Variants in GRIP2 observed in about 807,000 individuals in gnomAD.
The protein encoded by GRIP2 is glutamate receptor-interacting protein 2.
A neutral mutation model predicts 108.3 loss-of-function variants in GRIP2; 58 were observed. That is an observed-to-expected ratio of 0.54 (90% CI 0.43 to 0.67). The LOEUF is 0.67. Ranked by LOEUF, GRIP2 falls within the 30% of genes least tolerant of loss-of-function variation. The probability of loss-of-function intolerance (pLI) is 0.00; values close to 1 mark genes in which losing one functional copy is unlikely to be tolerated. For synonymous variants in GRIP2, 586 were observed against 598.2 expected, an observed-to-expected ratio of 0.98 and a Z score of 0.30; for missense variants, 1,278 against 1,430.6, an observed-to-expected ratio of 0.89 and a Z score of 1.72.
rs944984932 is a variant in GRIP2, at chr3:14,526,129, G to A, written c.41-198C>T. 2.3e-5 allele frequency: 14 copies of A among 617,282 alleles called. No individual in the cohort carries two copies. In the African/African-American group the frequency reaches 2.4e-4, roughly 11 times the overall value. 38.2% of individuals were successfully genotyped at this position (617,282 alleles called of 1,614,324 possible). ...AGAAAGCCTGGCCCCTGCTCTTGGGGCTGAGTAACATTCTTTGAGCACTAC... is the reference window on the plus strand; with the variant it reads ...AGAAAGCCTGGCCCCTGCTCTTGGGACTGAGTAACATTCTTTGAGCACTAC... On this transcript the variant is annotated intron_variant, in intron 1 of 23. Transcript: ENST00000621039.
the GRIP2 span, among the ~76,000 whole-genome samples, chr3:14,601,573 T>C: frequency 6.6e-6 from 1 of 152,192 alleles, no homozygotes; most frequent in African/African-American, 2.4e-5. Flanking sequence ...GGCACACCTA[T>C]AGGCCCACCA....
chr3:14,540,871 C>T (rs901381752), upstream of GRIP2, among the ~76,000 whole-genome samples: 2 of 152,228 alleles, frequency 1.3e-5, no homozygotes, highest in Non-Finnish European at 2.9e-5. The surrounding 1 kb of genome is among the most constrained non-coding windows in gnomAD (Gnocchi z 4.1). Context: ...CACCAATGTT[C>T]CAACTACCTC....
At chr3:14,562,412 G>T in the GRIP2 span, among the ~76,000 whole-genome samples, 2 of 152,186 alleles carry the variant, frequency 1.3e-5, no homozygotes, top group Non-Finnish European at 2.9e-5. Flanking sequence ...CTACAAAACT[G>T]CAGTGATCCA....
the GRIP2 span, among the ~76,000 whole-genome samples, chr3:14,561,553 G>C: frequency 1.3e-5 from 2 of 152,196 alleles, no homozygotes; most frequent in Non-Finnish European, 2.9e-5. Flanking sequence ...CCAGGAGATA[G>C]GTTAAAGAAG....
chr3:14,576,343 C>G, the GRIP2 span, among the ~76,000 whole-genome samples: 2 of 152,260 alleles, frequency 1.3e-5, no homozygotes, highest in African/African-American at 4.8e-5. Context: ...AGATGGAGAA[C>G]TGGGCCACAG....
At chr3:14,588,363 C>T in the GRIP2 span, among the ~76,000 whole-genome samples, 1 of 152,088 alleles carries the variant, frequency 6.6e-6, no homozygotes, top group Non-Finnish European at 1.5e-5. Flanking sequence ...CCTGGGCCAC[C>T]CTCTCTCCTT....
At chr3:14,564,618 G>A in the GRIP2 span, among the ~76,000 whole-genome samples, 312 of 152,372 alleles carry the variant, frequency 2.0e-3, 1 homozygote, top group African/African-American at 7.1e-3. Context: ...GGCTCCGTGC[G>A]TGGGACCTGA....
chr3:14,507,451 C>T lies in GRIP2; in HGVS notation c.2218+110G>A. The T allele has an allele frequency of 7.3e-7, 1 of 1,363,708 alleles. No homozygotes were observed. Among genetic ancestry groups the T allele is most frequent in the South Asian group, 1.3e-5 (1 of 75,274 alleles). 84.5% of individuals were successfully genotyped at this position (1,363,708 alleles called of 1,614,324 possible). ...TTCTTTGCCATCGCAGGCCCGCCTC[C>T]ACAGGGCTGCAGTGAGGACTCTGTG... is the stretch of plus-strand genomic sequence containing the variant. On this transcript the variant is annotated intron_variant, in intron 18 of 23. Transcript: ENST00000621039. This position sits in a 1 kb window ranked among gnomAD's most constrained non-coding sequence, Gnocchi z 4.6.
Position 14,514,488 on chromosome 3 carries a change from A to T in GRIP2, c.1307-10T>A. 1 of 1,541,814 alleles carries T rather than the reference A, an allele frequency of 6.5e-7. No homozygotes were observed. Among genetic ancestry groups the T allele is most frequent in the Admixed American group, 2.0e-5 (1 of 50,978 alleles). On this transcript the variant is annotated splice_polypyrimidine_tract_variant and intron_variant, in intron 11 of 23. Transcript: ENST00000621039. ...CTGGAGGCTAGCGACACTGTAGGACAGGTGGGCCCAGCATTCAGGTGAGCC... is the reference window on the plus strand; with the variant it reads ...CTGGAGGCTAGCGACACTGTAGGACTGGTGGGCCCAGCATTCAGGTGAGCC...
At chr3:14,545,859 G>T (rs1193345777), upstream of GRIP2, among the ~76,000 whole-genome samples, 1 of 152,244 alleles carries the variant, frequency 6.6e-6, no homozygotes, top group Non-Finnish European at 1.5e-5. Context: ...CCAGAGGTCA[G>T]CTGGGCCAGA....
At chr3:14,598,416 C>T in the GRIP2 span, among the ~76,000 whole-genome samples, 2 of 152,018 alleles carry the variant, frequency 1.3e-5, no homozygotes, top group East Asian at 3.9e-4. Flanking sequence ...GCAGAAATGC[C>T]GGATGTGCCT....
chr3:14,502,521 A>G (rs1027416841), intron 21 of GRIP2, among the ~76,000 whole-genome samples: 20 of 151,526 alleles, frequency 1.3e-4, no homozygotes, highest in Admixed American at 3.9e-4. Context: ...GAGAGAGAGA[A>G]AATAACCAAA....
chr3:14,602,581 G>A, the GRIP2 span, among the ~76,000 whole-genome samples: 4 of 151,598 alleles, frequency 2.6e-5, no homozygotes, highest in African/African-American at 9.7e-5. The surrounding 1 kb of genome is among the most constrained non-coding windows in gnomAD (Gnocchi z 4.7). Flanking sequence ...CCAGGAGCCC[G>A]ACCCGCCGGC....
At chr3:14,535,087 G>A (rs1694802966) in intron 1 of GRIP2, among the ~76,000 whole-genome samples, 1 of 152,024 alleles carries the variant, frequency 6.6e-6, no homozygotes, top group Admixed American at 6.5e-5. Context: ...TGATTTGCAG[G>A]GACGGTGAGC....
At chr3:14,501,192 T>C (rs1235663195) in intron 21 of GRIP2, among the ~76,000 whole-genome samples, 1 of 152,178 alleles carries the variant, frequency 6.6e-6, no homozygotes, top group Non-Finnish European at 1.5e-5. Flanking sequence ...AGATAGCAAT[T>C]GCCAGGGGAT....
chr3:14,520,814 A>C, intron 7 of GRIP2: 1 of 473,082 alleles, frequency 2.1e-6, no homozygotes, highest in Non-Finnish European at 3.8e-6. Context: ...GCTTGAGTTT[A>C]TGAAGAGCCT....
chr3:14,550,376 C>A (rs541471401), intron 1 of GRIP2, among the ~76,000 whole-genome samples: 1 of 152,312 alleles, frequency 6.6e-6, no homozygotes, highest in East Asian at 1.9e-4. Flanking sequence ...GGGCTCCAAG[C>A]CCTCGGCACC....
chr3:14,594,433 C>T, the GRIP2 span, among the ~76,000 whole-genome samples: 5 of 152,090 alleles, frequency 3.3e-5, no homozygotes, highest in African/African-American at 9.7e-5. Flanking sequence ...TGGGAGCAGG[C>T]GTGACTCCCA....
At chr3:14,570,340 T>C in the GRIP2 span, among the ~76,000 whole-genome samples, 1 of 152,054 alleles carries the variant, frequency 6.6e-6, no homozygotes, top group African/African-American at 2.4e-5. Context: ...TCATGACCCT[T>C]ACACTGAAGC....
Sources: allele counts gnomAD v4.1 joint callset (sites outside exome capture counted in the v4.1 genomes callset), GRCh38; gene constraint gnomAD v4.1.1; non-coding constraint Gnocchi (gnomAD v3.1); transcripts MANE v1.5; gene names NCBI Gene and HGNC (gene_info 2026-07-23, HGNC 2026-07-21).